Variants in PDGFRA observed in about 807,000 individuals in gnomAD.
PDGFRA encodes the protein platelet-derived growth factor receptor alpha.
PDGFRA carries 25 observed loss-of-function variants against 121.5 expected under a neutral mutation model. That is an observed-to-expected ratio of 0.21 (90% CI 0.15 to 0.29). PDGFRA has a LOEUF of 0.29. Ranked by LOEUF, PDGFRA falls within the 10% of genes least tolerant of loss-of-function variation. The pLI, the probability that PDGFRA is intolerant of heterozygous loss-of-function variation, is 1.00. For missense variants in PDGFRA, 1,008 were observed against 1,345.1 expected (o/e 0.75, Z 3.92); for synonymous variants, 463 against 494.8 (o/e 0.94, Z 0.85).
chr4:54,261,457 C>G (rs375853827), intron 3 of PDGFRA, 45 bp downstream of exon 3: 27 of 1,321,828 alleles, frequency 2.0e-5, no homozygotes, highest in Non-Finnish European at 2.7e-5. Flanking sequence ...CTCTTCCTGT[C>G]TCTCCTGTTA....
Position 54,297,777 on chromosome 4 carries a change from G to A in PDGFRA, c.*2505G>A, listed in dbSNP as rs1038180127. 3 of 233,432 alleles carry A rather than the reference G, an allele frequency of 1.3e-5. No homozygotes were observed. The highest frequency in any genetic ancestry group is 1.2e-3 in the Middle Eastern group (1 of 806). 14.5% of individuals were successfully genotyped at this position (233,432 alleles called of 1,614,324 possible). On this transcript the variant is annotated 3_prime_UTR_variant, in exon 23 of 23. Coordinates refer to ENST00000257290, the MANE Select transcript of PDGFRA (RefSeq NM_006206.6). ...TATTTTTATGATGACAATCAAAGCC[G>A]GCCTGAGAAACACTATTTGTGACTT...
At position 54,289,013 on chromosome 4, in the gene PDGFRA, G is replaced by A. The variant is rs267600187; in HGVS notation, c.2779G>A (p.Glu927Lys). Residue 927 changes from glutamate (E) to lysine (K), a missense_variant, in exon 21 of 23, where the codon GAG becomes AAG. By Grantham distance (56) the Glu-to-Lys change is moderately conservative (BLOSUM62 1). Transcript: ENST00000257290. Reference sequence around the variant, plus strand: ...TCTTGAGTTCTGTCCCCACAGCTACGAGATCATGGTGAAATGCTGGAACAG... The same window carrying A: ...TCTTGAGTTCTGTCCCCACAGCTACAAGATCATGGTGAAATGCTGGAACAG... The part of the protein sequence containing the change: ...KPDHATSEVY[E>K]IMVKCWNSEP... 3.7e-6 allele frequency: 6 copies of A among 1,605,036 alleles called. No homozygotes were observed. Among genetic ancestry groups the A allele is most frequent in the Middle Eastern group, 1.7e-4 (1 of 6,036 alleles).
intron 14 of PDGFRA, 76 bp from the exon 15 acceptor site, chr4:54,278,286 A>G (rs2110313946): frequency 3.5e-6 from 4 of 1,139,180 alleles, no homozygotes. Flanking sequence ...TCTGTGCCAT[A>G]TGGTCTGCAG....
At position 54,263,664 on chromosome 4, in the gene PDGFRA, C is replaced by T. The variant is rs55947416; in HGVS notation, c.368-3C>T. 0.063 allele frequency: 101,343 copies of T among 1,612,354 alleles called. 3,637 individuals carry two copies. The highest frequency in any genetic ancestry group is 0.073 in the Non-Finnish European group (85,475 of 1,178,360). ...AGAGTCTTCATTCTTTTTTAAACCA[C>T]AGACCCAGATGTAGCCTTTGTACCT... On this transcript the variant is annotated splice_polypyrimidine_tract_variant and splice_region_variant and intron_variant, in intron 3 of 22. Coordinates refer to ENST00000257290, the MANE Select transcript of PDGFRA (RefSeq NM_006206.6).
intron 2 of PDGFRA, among the ~76,000 whole-genome samples, chr4:54,259,096 A>ACTACTCT (rs1177072983): frequency 6.6e-6 from 1 of 152,196 alleles, no homozygotes; most frequent in African/African-American, 2.4e-5. Flanking sequence ...AAATTTACTT[A>ACTACTCT]CTACTCTCTT....
At chr4:54,237,436 G>C (rs572244035) in intron 1 of PDGFRA, among the ~76,000 whole-genome samples, 1 of 152,338 alleles carries the variant, frequency 6.6e-6, no homozygotes, top group East Asian at 1.9e-4. Flanking sequence ...AAGCTTTAAA[G>C]ATGCATCTTT....
chr4:54,255,304 CTG>C (rs1225554688), intron 1 of PDGFRA, among the ~76,000 whole-genome samples: 5 of 152,132 alleles, frequency 3.3e-5, no homozygotes, highest in South Asian at 2.1e-4. Flanking sequence ...ACCTTTCACT[CTG>C]TGTTTTCTTC....
chr4:54,248,444 T>G (rs1025623505), intron 1 of PDGFRA, among the ~76,000 whole-genome samples: 4 of 152,170 alleles, frequency 2.6e-5, no homozygotes, highest in Non-Finnish European at 5.9e-5. Context: ...TTGACAAACC[T>G]GAGAAAAACA....
chr4:54,252,496 C>G (rs1722110872), intron 1 of PDGFRA, among the ~76,000 whole-genome samples: 1 of 152,218 alleles, frequency 6.6e-6, no homozygotes, highest in African/African-American at 2.4e-5. Flanking sequence ...TAAACACACC[C>G]TCTGCTGGAA....
In PDGFRA at chr4:54,295,127, C is replaced by G; in HGVS notation, c.3125C>G (p.Ser1042Trp). Reference protein sequence around the residue: ...EDLGKRNRHSSQTSEESAIET... With the variant: ...EDLGKRNRHSWQTSEESAIET... The stretch of plus-strand genomic sequence containing the variant: ...TTGCTCTTCTCTCCCTCCTCCAGCT[C>G]GCAGACCTCTGAAGAGAGTGCCATT... The change falls in exon 23 of 23, where the codon TCG becomes TGG. Residue 1042 changes from serine to tryptophan, a missense_variant and splice_region_variant. This residue lies in a region of PDGFRA where 204 missense variants were observed against 243.0 expected (regional missense o/e 0.84). Transcript: ENST00000257290. The G allele has an allele frequency of 1.2e-6, 2 of 1,613,936 alleles. No individual in the cohort carries two copies. Among genetic ancestry groups the G allele is most frequent in the Non-Finnish European group, 1.7e-6 (2 of 1,179,846 alleles).
chr4:54,263,626 A>G, intron 3 of PDGFRA, 41 bp from the exon 4 acceptor site: 1 of 1,600,258 alleles, frequency 6.2e-7, no homozygotes, highest in Non-Finnish European at 8.6e-7. Flanking sequence ...TAAAGGTGAA[A>G]TTAATGTCTA....
At chr4:54,281,920 A>T in intron 16 of PDGFRA, 1 of 1,158,136 alleles carries the variant, frequency 8.6e-7, no homozygotes, top group Non-Finnish European at 1.1e-6. Flanking sequence ...TTAACAAATT[A>T]TAAGCAAAGT....
Position 54,278,514 on chromosome 4 carries a change from A to G in PDGFRA, c.2155A>G (p.Ser719Gly), listed in dbSNP as rs2110317070. The G allele has an allele frequency of 6.2e-7, 1 of 1,613,922 alleles. No individual in the cohort carries two copies. Residue 719 changes from serine (S) to glycine (G), a missense_variant and splice_region_variant, in exon 15 of 23, where the codon AGC becomes GGC. Around this residue, in one of 5 missense-constraint regions of PDGFRA, gnomAD observed 128 missense variants for 147.6 expected, o/e 0.87. Coordinates refer to ENST00000257290, the MANE Select transcript of PDGFRA (RefSeq NM_006206.6). Reference protein sequence around the residue: ...GLNPADESTRSYVILSFENNG... With the variant: ...GLNPADESTRGYVILSFENNG... ...GAACCCTGCTGATGAAAGCACACGG[A>G]GGTGGGTGCAAAGAGAGATGTTGCT...
chr4:54,263,632 G>A (rs1205607870), intron 3 of PDGFRA, 35 bp from the exon 4 acceptor site: 6 of 1,603,068 alleles, frequency 3.7e-6, no homozygotes, highest in Middle Eastern at 1.6e-4. Context: ...TGAAATTAAT[G>A]TCTAATAGAG....
chr4:54,257,254 C>A (rs1237692947), intron 1 of PDGFRA, among the ~76,000 whole-genome samples: 4 of 152,168 alleles, frequency 2.6e-5, no homozygotes, highest in Admixed American at 6.5e-5. Context: ...AAGGAAGGAA[C>A]CTTCAGTTCT....
chr4:54,277,051 G>A lies in PDGFRA; in HGVS notation c.1787-337G>A, dbSNP rs576263264. ...AAAACAGAAGGGGAGAGAGCCAGGAGGTGTGGGTGAGAGCCCCGAAGGCAA... is the reference window on the plus strand; with the variant it reads ...AAAACAGAAGGGGAGAGAGCCAGGAAGTGTGGGTGAGAGCCCCGAAGGCAA... On this transcript the variant is annotated intron_variant, in intron 12 of 22. Transcript: ENST00000257290. The A allele has an allele frequency of 2.1e-5, 8 of 381,352 alleles. No homozygotes were observed. The South Asian group carries it at 2.2e-4, about 11-fold the overall frequency. The allele number at this position is 381,352 out of a possible 1,614,324, so 23.6% of individuals were successfully genotyped here.
Position 54,261,212 on chromosome 4 carries a change from G to A in PDGFRA, c.167G>A (p.Ser56Asn), listed in dbSNP as rs587778601. Residue 56 changes from serine to asparagine, a missense_variant, in exon 3 of 23, where the codon AGC (serine) becomes AAC (asparagine). Transcript: ENST00000257290. ...AGATGCTTTGGGGAGAGTGAAGTGA[G>A]CTGGCAGTACCCCATGTCTGAAGAA... ...SLRCFGESEV[S>N]WQYPMSEEES... The A allele has an allele frequency of 6.2e-7, 1 of 1,614,174 alleles. No individual in the cohort carries two copies. The highest frequency in any genetic ancestry group is 1.1e-5 in the South Asian group (1 of 91,082).
At position 54,278,407 on chromosome 4, in the gene PDGFRA, T is replaced by C. The variant is rs761133809; in HGVS notation, c.2048T>C (p.Val683Ala). 6.2e-7 allele frequency: 1 copy of C among 1,613,820 alleles called. No homozygotes were observed. Among genetic ancestry groups the C allele is most frequent in the South Asian group, 1.1e-5 (1 of 91,056 alleles). ...GAGTATTGCTTCTATGGAGATTTGGTCAACTATTTGCATAAGAATAGGGAT... is the reference window on the plus strand; with the variant it reads ...GAGTATTGCTTCTATGGAGATTTGGCCAACTATTTGCATAAGAATAGGGAT... The part of the protein sequence containing the change: ...ITEYCFYGDL[V>A]NYLHKNRDSF... Residue 683 changes from valine to alanine, a missense_variant, in exon 15 of 23, where the codon GTC (valine) becomes GCC (alanine). Val to Ala is a moderately conservative substitution (Grantham distance 64). Transcript: ENST00000257290.
At chr4:54,239,460 G>C (rs1467331961) in intron 1 of PDGFRA, among the ~76,000 whole-genome samples, 1 of 152,176 alleles carries the variant, frequency 6.6e-6, no homozygotes, top group Non-Finnish European at 1.5e-5. Flanking sequence ...CTCCCAGGCT[G>C]AACCCCAATT....
Sources: allele counts gnomAD v4.1 joint callset (sites outside exome capture counted in the v4.1 genomes callset), GRCh38; gene constraint gnomAD v4.1.1; regional missense constraint gnomAD v4.1.1; transcripts MANE v1.5; gene names NCBI Gene and HGNC (gene_info 2026-07-23, HGNC 2026-07-21).